MBOAT2: variants seen among roughly 807,000 people sequenced by gnomAD.
The protein encoded by MBOAT2 is membrane-bound glycerophospholipid O-acyltransferase 2.
In MBOAT2, 28 loss-of-function variants were observed where a neutral mutation model predicts 63.4. The ratio of observed to expected loss-of-function variants is 0.44; its 90% CI spans 0.33 to 0.61. MBOAT2 has a LOEUF of 0.61. MBOAT2 is among the 20% of genes least tolerant of loss of function. The probability of loss-of-function intolerance (pLI) is 0.03; values close to 1 mark genes in which losing one functional copy is unlikely to be tolerated. For synonymous variants in MBOAT2, 211 were observed against 215.6 expected, an observed-to-expected ratio of 0.98 and a Z score of 0.19; for missense variants, 470 against 605.8, an observed-to-expected ratio of 0.78 and a Z score of 2.35.
chr2:8,951,605 A>G (rs1668841367), intron 2 of MBOAT2, among the ~76,000 whole-genome samples: 1 of 152,194 alleles, frequency 6.6e-6, no homozygotes, highest in South Asian at 2.1e-4. Flanking sequence ...GTTCGATTTT[A>G]GAACTCAATA....
At position 8,943,207 on chromosome 2, in the gene MBOAT2, T is replaced by C; in HGVS notation, c.279A>G (p.Ile93Met). Reference protein sequence around the residue: ...SGISYCIMIIIGVENMHNYCF... With the variant: ...SGISYCIMIIMGVENMHNYCF... ...CTTACTTGTGCATGTTCTCCACTCC[T>C]ATGATGATCATGATACAGTAGGAAA... Residue 93 changes from isoleucine to methionine, a missense_variant, in exon 3 of 13, where the codon ATA becomes ATG. Transcript: ENST00000305997. 1.3e-6 allele frequency: 2 copies of C among 1,580,496 alleles called. No homozygotes were observed. The highest frequency in any genetic ancestry group is 1.7e-6 in the Non-Finnish European group (2 of 1,158,650).
At chr2:8,873,019 T>C in intron 8 of MBOAT2, 89 bp downstream of exon 8, 5 of 1,216,108 alleles carry the variant, frequency 4.1e-6, no homozygotes, top group Non-Finnish European at 5.7e-6. Flanking sequence ...TCTTTATGTA[T>C]CCTCAAGAGG....
chr2:8,984,541 G>C (rs761950951), intron 1 of MBOAT2, among the ~76,000 whole-genome samples: 1 of 152,028 alleles, frequency 6.6e-6, no homozygotes, highest in Non-Finnish European at 1.5e-5. Context: ...AAGTGGGAGC[G>C]CAAGTGGCTT....
chr2:8,995,458 CTAGAG>C (rs1403896760), intron 1 of MBOAT2, among the ~76,000 whole-genome samples: 1 of 152,130 alleles, frequency 6.6e-6, no homozygotes, highest in African/African-American at 2.4e-5. Flanking sequence ...GCCAAATTGC[CTAGAG>C]TAGAGTACAC....
chr2:8,885,857 T>G (rs566287757), intron 5 of MBOAT2, among the ~76,000 whole-genome samples: 1 of 152,228 alleles, frequency 6.6e-6, no homozygotes, highest in African/African-American at 2.4e-5. Flanking sequence ...AGGTAATTTA[T>G]TTGGTTTCAT....
rs1163620354 is a variant in MBOAT2 at position 8,854,749 on chromosome 2, T to G, written c.*3930A>C. On this transcript the variant is annotated 3_prime_UTR_variant, in exon 13 of 13. Transcript: ENST00000305997. Reference sequence around the variant, plus strand: ...AGGAGAGATTTTTGTCCTAAAACTGTGATCTAGTCCTTGAGTAAAAGTATA... The same window carrying G: ...AGGAGAGATTTTTGTCCTAAAACTGGGATCTAGTCCTTGAGTAAAAGTATA... The G allele has an allele frequency of 6.6e-6, 1 of 152,214 alleles. No individual in the cohort carries two copies. The highest frequency in any genetic ancestry group is 2.4e-5 in the African/African-American group (1 of 41,454). The allele number at this position is 152,214 out of a possible 1,614,324, so 9.4% of individuals were successfully genotyped here.
rs993550878 is a variant in MBOAT2, at chr2:9,003,433, C to A, written c.75+107G>T. ...GAGCGGCGGGTAGGGGGGCACCGGG[C>A]GCCCGGCCCCAGCCCCCACCCTCCT... On this transcript the variant is annotated intron_variant, in intron 1 of 12. Transcript: ENST00000305997. This position sits in a 1 kb window ranked among gnomAD's most constrained non-coding sequence, Gnocchi z 5.4. 9.7e-6 allele frequency: 6 copies of A among 620,606 alleles called. No individual in the cohort carries two copies. The highest frequency in any genetic ancestry group is 2.0e-5 in the African/African-American group (1 of 50,692). The allele number at this position is 620,606 out of a possible 1,614,324, so 38.4% of individuals were successfully genotyped here.
intron 1 of MBOAT2, among the ~76,000 whole-genome samples, chr2:8,987,948 C>A (rs974890265): frequency 8.5e-5 from 13 of 152,242 alleles, no homozygotes; most frequent in Non-Finnish European, 1.9e-4. Flanking sequence ...CTTTCTCAAT[C>A]AGATGAGAAA....
At chr2:8,873,048 ATC>A in intron 8 of MBOAT2, 58 bp downstream of exon 8, 1 of 1,483,924 alleles carries the variant, frequency 6.7e-7, no homozygotes, top group East Asian at 2.3e-5. Context: ...ATAGCAATCT[ATC>A]GACAAGGTAA....
intron 4 of MBOAT2, among the ~76,000 whole-genome samples, chr2:8,901,277 C>T (rs1664902718): frequency 6.6e-6 from 1 of 152,198 alleles, no homozygotes; most frequent in African/African-American, 2.4e-5. Context: ...CTCACCAGCA[C>T]AGCAGCAGAA....
At chr2:8,965,097 T>C (rs1669892696) in intron 1 of MBOAT2, among the ~76,000 whole-genome samples, 1 of 152,206 alleles carries the variant, frequency 6.6e-6, no homozygotes, top group Non-Finnish European at 1.5e-5. Flanking sequence ...GCAGTATACA[T>C]ACAACTGTAT....
chr2:8,973,357 C>T (rs748146242), intron 1 of MBOAT2, among the ~76,000 whole-genome samples: 6 of 105,212 alleles, frequency 5.7e-5, no homozygotes, highest in Non-Finnish European at 1.1e-4. Flanking sequence ...CATCACACAC[C>T]GGGGCCTGTC....
chr2:8,991,365 T>C (rs1001999481), intron 1 of MBOAT2, among the ~76,000 whole-genome samples: 6 of 152,184 alleles, frequency 3.9e-5, no homozygotes, highest in African/African-American at 1.4e-4. Flanking sequence ...AATAAAATGA[T>C]AGTAGTGTGA....
chr2:8,898,110 C>G (rs147007360), intron 4 of MBOAT2, among the ~76,000 whole-genome samples: 1 of 152,184 alleles, frequency 6.6e-6, no homozygotes, highest in Admixed American at 6.5e-5. Flanking sequence ...GGTTGTCCCA[C>G]GAGTCTGAGT....
intron 4 of MBOAT2, among the ~76,000 whole-genome samples, chr2:8,898,777 T>C (rs1664688422): frequency 6.6e-6 from 1 of 152,032 alleles, no homozygotes; most frequent in South Asian, 2.1e-4. Context: ...GGAGTCAGAG[T>C]GCAGGGGAAT....
At chr2:8,875,254 G>C (rs1448434157) in intron 7 of MBOAT2, among the ~76,000 whole-genome samples, 1 of 152,124 alleles carries the variant, frequency 6.6e-6, no homozygotes, top group East Asian at 1.9e-4. Flanking sequence ...ACTTTATAAA[G>C]TATATGCACG....
intron 1 of MBOAT2, among the ~76,000 whole-genome samples, chr2:8,990,492 T>A (rs2103360527): frequency 6.6e-6 from 1 of 152,266 alleles, no homozygotes; most frequent in South Asian, 2.1e-4. Flanking sequence ...TCTAAGAATT[T>A]TTTAATCTAC....
chr2:8,903,198 A>G (rs1365967456), intron 4 of MBOAT2, among the ~76,000 whole-genome samples: 2 of 152,188 alleles, frequency 1.3e-5, no homozygotes, highest in Admixed American at 1.3e-4. Context: ...GCTTGACAGA[A>G]AAGTTCTCCA....
intron 3 of MBOAT2, among the ~76,000 whole-genome samples, chr2:8,937,317 T>A (rs932831552): frequency 6.6e-6 from 1 of 152,158 alleles, no homozygotes; most frequent in Non-Finnish European, 1.5e-5. Flanking sequence ...GATGCGGAAG[T>A]CATGTCATCA....
Sources: allele counts gnomAD v4.1 joint callset (sites outside exome capture counted in the v4.1 genomes callset), GRCh38; gene constraint gnomAD v4.1.1; non-coding constraint Gnocchi (gnomAD v3.1); transcripts MANE v1.5; gene names NCBI Gene and HGNC (gene_info 2026-07-23, HGNC 2026-07-21).